RNF182: variants seen among roughly 807,000 people sequenced by gnomAD.
RNF182 encodes E3 ubiquitin-protein ligase RNF182.
In RNF182, 15 loss-of-function variants were observed where a neutral mutation model predicts 14.4. The ratio of observed to expected loss-of-function variants is 1.04; its 90% CI spans 0.70 to 1.60. The LOEUF is 1.60. RNF182 is among the 40% of genes most tolerant of loss of function. The pLI, the probability that RNF182 is intolerant of heterozygous loss-of-function variation, is 0.00. For synonymous variants in RNF182, 128 were observed against 122.9 expected, an observed-to-expected ratio of 1.04 and a Z score of -0.27; for missense variants, 268 against 294.8, an observed-to-expected ratio of 0.91 and a Z score of 0.67.
chr6:13,967,589 C>T (rs1760065783), intron 1 of RNF182, among the ~76,000 whole-genome samples: 2 of 152,096 alleles, frequency 1.3e-5, no homozygotes, highest in South Asian at 4.1e-4. Flanking sequence ...CCACAAAGAG[C>T]ACCATAATAA....
intron 1 of RNF182, among the ~76,000 whole-genome samples, chr6:13,937,541 G>A (rs145117597): frequency 3.7e-4 from 57 of 152,302 alleles, no homozygotes; most frequent in African/African-American, 1.3e-3. Context: ...TTTCATTGCT[G>A]CCTGTAGCAC....
intron 1 of RNF182, among the ~76,000 whole-genome samples, chr6:13,951,729 C>T (rs1309204600): frequency 6.6e-6 from 1 of 152,196 alleles, no homozygotes; most frequent in African/African-American, 2.4e-5. Context: ...GATAGTCTTG[C>T]TTGTTGCCCC....
chr6:13,974,130 C>T (rs957016751), intron 1 of RNF182, 80 bp from the exon 2 acceptor site: 5 of 146,540 alleles, frequency 3.4e-5, no homozygotes, highest in African/African-American at 1.2e-4. Flanking sequence ...ATAGATGAAA[C>T]TTTTTTTTTT....
chr6:13,925,195 C>CT (rs1758791642), intron 1 of RNF182, 172 bp downstream of exon 1: 1 of 151,216 alleles, frequency 6.6e-6, no homozygotes, highest in East Asian at 2.0e-4. Context: ...CGCGCGGAGT[C>CT]TCCCTCCGGG....
chr6:13,946,241 A>C lies in RNF182; in HGVS notation c.-367+21218A>C, dbSNP rs1459893683. Among the ~76,000 whole-genome samples the C allele has an allele frequency of 4.0e-5, 6 of 151,410 alleles. No individual in the cohort carries two copies. In the East Asian group the frequency reaches 9.7e-4, roughly 25 times the overall value. ...GAGTGCAGTGGCACAATCTCAGCTC[A>C]CTGCAACCTCTGCCTCCTGGGTTGA... On this transcript the variant is annotated intron_variant, in intron 1 of 2. Coordinates refer to ENST00000488300, the MANE Select transcript of RNF182 (RefSeq NM_152737.4).
chr6:13,934,417 G>GT (rs1759053862), intron 1 of RNF182, among the ~76,000 whole-genome samples: 1 of 152,222 alleles, frequency 6.6e-6, no homozygotes, highest in Non-Finnish European at 1.5e-5. Flanking sequence ...AGTTACGTTA[G>GT]TTGTTTTAAT....
Position 13,977,677 on chromosome 6 carries a change from G to A in RNF182, c.558G>A (p.Val186=). The change falls in exon 3 of 3, where the codon GTG becomes GTA. Residue 186 remains valine, a synonymous_variant. Transcript: ENST00000488300. ...LLFQTSIRVL[V]WLLGLLYFSS... Reference sequence around the variant, plus strand: ...TTCAGACATCCATCCGGGTGTTAGTGTGGTTGCTAGGTTTGCTCTACTTCA... The same window carrying A: ...TTCAGACATCCATCCGGGTGTTAGTATGGTTGCTAGGTTTGCTCTACTTCA... The A allele has an allele frequency of 1.2e-6, 2 of 1,614,162 alleles. No homozygotes were observed. The highest frequency in any genetic ancestry group is 2.2e-5 in the East Asian group (1 of 44,876).
At chr6:13,962,544 T>A (rs1759909184) in intron 1 of RNF182, among the ~76,000 whole-genome samples, 1 of 152,174 alleles carries the variant, frequency 6.6e-6, no homozygotes, top group Admixed American at 6.5e-5. Flanking sequence ...ACAAAATAAA[T>A]TGAACATAGA....
At chr6:13,969,676 A>T (rs1760126707) in intron 1 of RNF182, among the ~76,000 whole-genome samples, 1 of 152,186 alleles carries the variant, frequency 6.6e-6, no homozygotes, top group Non-Finnish European at 1.5e-5. Flanking sequence ...GTCTAATAAT[A>T]AGTGGTTTAT....
At chr6:13,941,687 C>T (rs1177275276) in intron 1 of RNF182, among the ~76,000 whole-genome samples, 1 of 151,858 alleles carries the variant, frequency 6.6e-6, no homozygotes, top group Admixed American at 6.6e-5. Context: ...GTTAGTTATA[C>T]ATTGTGTTTT....
rs149830305 is a variant in RNF182 at position 13,978,945 on chromosome 6, A to T, written c.*1082A>T. ...CGGTACTGAGCTGTACCAAAATATG[A>T]TGGTTTAGGTTTATGTGCAAGACTT... On this transcript the variant is annotated 3_prime_UTR_variant, in exon 3 of 3. Transcript: ENST00000488300. 6.0e-6 allele frequency: 1 copy of T among 167,146 alleles called. No individual in the cohort carries two copies. Among genetic ancestry groups the T allele is most frequent in the East Asian group, 1.9e-4 (1 of 5,176 alleles). 10.4% of individuals were successfully genotyped at this position (167,146 alleles called of 1,614,324 possible). A position where few individuals can be genotyped will look rare whatever the true frequency, so the allele number is the denominator to read the frequency against.
intron 1 of RNF182, among the ~76,000 whole-genome samples, chr6:13,927,926 A>G (rs1322280721): frequency 6.6e-6 from 1 of 152,224 alleles, no homozygotes; most frequent in Non-Finnish European, 1.5e-5. Flanking sequence ...AGACCTCAAG[A>G]CAAAATGCTG....
intron 1 of RNF182, among the ~76,000 whole-genome samples, chr6:13,957,736 A>G (rs1188152440): frequency 6.6e-6 from 1 of 152,234 alleles, no homozygotes; most frequent in Non-Finnish European, 1.5e-5. Context: ...AATTTTTAGA[A>G]CACTGTGAAT....
At chr6:13,961,418 T>C (rs1759879604) in intron 1 of RNF182, 1 of 152,192 alleles carries the variant, frequency 6.6e-6, no homozygotes, top group Non-Finnish European at 1.5e-5. Context: ...AAGATCACAG[T>C]GTCAGAGCCA....
At chr6:13,946,667 A>G (rs1243133449) in intron 1 of RNF182, among the ~76,000 whole-genome samples, 1 of 152,082 alleles carries the variant, frequency 6.6e-6, no homozygotes, top group Non-Finnish European at 1.5e-5. Context: ...TCTCAGCCTC[A>G]TTTTACCCAG....
At chr6:13,924,502 T>C (rs1758760106), upstream of RNF182, 1 of 152,248 alleles carries the variant, frequency 6.6e-6, no homozygotes, top group Non-Finnish European at 1.5e-5. Context: ...CAACACTTTA[T>C]CACTTTGCAT....
intron 1 of RNF182, among the ~76,000 whole-genome samples, chr6:13,926,789 GTGTT>G (rs1316496323): frequency 2.9e-5 from 4 of 136,604 alleles, no homozygotes; most frequent in Admixed American, 6.9e-5. Context: ...GTGTGTGTGT[GTGTT>G]TTTTTTTTTT....
chr6:13,968,658 G>A (rs9464531), intron 1 of RNF182, among the ~76,000 whole-genome samples: 1,836 of 152,206 alleles, frequency 0.012, 28 homozygotes, highest in African/African-American at 0.04. Context: ...TTCATTTGGG[G>A]TGGTATTCAG....
At chr6:13,963,074 G>T (rs1255074147) in intron 1 of RNF182, among the ~76,000 whole-genome samples, 1 of 152,104 alleles carries the variant, frequency 6.6e-6, no homozygotes, top group Non-Finnish European at 1.5e-5. Context: ...TGCCTATTAA[G>T]TGGGAATTAT....
Sources: gnomAD v4.1 joint callset for allele counts (sites outside exome capture counted in the v4.1 genomes callset) on GRCh38, gnomAD v4.1.1 for gene constraint, MANE v1.5 for transcripts, NCBI Gene and HGNC (gene_info 2026-07-23, HGNC 2026-07-21) for gene names.